PPP2R5E: variants seen among roughly 807,000 people sequenced by gnomAD.
PPP2R5E encodes serine/threonine-protein phosphatase 2A 56 kDa regulatory subunit epsilon isoform.
Under a neutral mutation model 65.3 loss-of-function variants are expected in PPP2R5E, and 4 were observed. The observed-to-expected ratio is 0.06, with a 90% CI of 0.03 to 0.14. PPP2R5E has a LOEUF of 0.14. PPP2R5E is among the 10% of genes least tolerant of loss of function. The pLI is 1.00. For synonymous variants in PPP2R5E, 183 were observed against 187.4 expected (o/e 0.98, Z 0.19); for missense variants, 274 against 556.1 (o/e 0.49, Z 5.10).
intron 2 of PPP2R5E, among the ~76,000 whole-genome samples, chr14:63,469,659 A>G (rs1296125594): frequency 2.0e-5 from 3 of 152,202 alleles, no homozygotes; most frequent in Admixed American, 2.0e-4. Flanking sequence ...GTGCCACTGC[A>G]CTCCAGCCTG....
intron 5 of PPP2R5E, among the ~76,000 whole-genome samples, chr14:63,397,900 T>G (rs1885508182): frequency 6.6e-6 from 1 of 152,034 alleles, no homozygotes; most frequent in Non-Finnish European, 1.5e-5. Context: ...GCTAATTTTT[T>G]GTATTTTTAG....
intron 3 of PPP2R5E, chr14:63,451,415 G>A (rs1448166051): frequency 6.6e-6 from 1 of 152,210 alleles, no homozygotes; most frequent in Non-Finnish European, 1.5e-5. Context: ...GAAAAGACAT[G>A]AAGGAAACTT....
At chr14:63,500,993 A>G (rs1891849272) in intron 2 of PPP2R5E, among the ~76,000 whole-genome samples, 1 of 152,192 alleles carries the variant, frequency 6.6e-6, no homozygotes, top group African/African-American at 2.4e-5. Context: ...CTCTACATCT[A>G]CATACTATTA....
At chr14:63,440,033 C>T (rs1200846805) in intron 3 of PPP2R5E, among the ~76,000 whole-genome samples, 1 of 152,182 alleles carries the variant, frequency 6.6e-6, no homozygotes, top group Non-Finnish European at 1.5e-5. Context: ...CAAGGTGGGG[C>T]CCCTCTATGA....
chr14:63,382,014 A>G, intron 13 of PPP2R5E, 42 bp downstream of exon 13: 3 of 1,504,136 alleles, frequency 2.0e-6, no homozygotes, highest in Non-Finnish European at 2.7e-6. Flanking sequence ...AAAAAACTCA[A>G]TAGCTTTATG....
chr14:63,535,746 A>G (rs1477219888), intron 2 of PPP2R5E, among the ~76,000 whole-genome samples: 1 of 152,200 alleles, frequency 6.6e-6, no homozygotes, highest in African/African-American at 2.4e-5. Context: ...AAATTCAACC[A>G]TATTTTATAT....
chr14:63,499,981 C>T (rs1891779903), intron 2 of PPP2R5E, among the ~76,000 whole-genome samples: 1 of 152,146 alleles, frequency 6.6e-6, no homozygotes, highest in Admixed American at 6.5e-5. Context: ...GGATTTGACT[C>T]ATTATTTATG....
At chr14:63,447,696 T>C (rs1888560682) in intron 3 of PPP2R5E, among the ~76,000 whole-genome samples, 1 of 152,256 alleles carries the variant, frequency 6.6e-6, no homozygotes, top group Non-Finnish European at 1.5e-5. Context: ...AATTGTCTGA[T>C]GCAAGAGGCC....
intron 2 of PPP2R5E, among the ~76,000 whole-genome samples, chr14:63,466,866 CAG>C (rs1168727324): frequency 6.6e-6 from 1 of 152,036 alleles, no homozygotes; most frequent in East Asian, 1.9e-4. Flanking sequence ...AACAGTAATG[CAG>C]AGAGTTTAAA....
intron 11 of PPP2R5E, among the ~76,000 whole-genome samples, chr14:63,384,987 G>T (rs1443088581): frequency 1.3e-5 from 2 of 151,938 alleles, no homozygotes; most frequent in African/African-American, 4.8e-5. Context: ...GAACCACCGT[G>T]CCTGGCCCAC....
At chr14:63,463,305 A>G (rs1889597595) in intron 2 of PPP2R5E, among the ~76,000 whole-genome samples, 1 of 150,648 alleles carries the variant, frequency 6.6e-6, no homozygotes. Flanking sequence ...ACGCCCAGCT[A>G]ATTTTTTGTA....
chr14:63,510,719 A>C (rs577240720), intron 2 of PPP2R5E, among the ~76,000 whole-genome samples: 1 of 152,376 alleles, frequency 6.6e-6, no homozygotes, highest in East Asian at 1.9e-4. Context: ...AAAGAGCCAC[A>C]TCATGTAAAG....
At chr14:63,542,107 C>T (rs888114545) in intron 1 of PPP2R5E, among the ~76,000 whole-genome samples, 15 of 152,124 alleles carry the variant, frequency 9.9e-5, no homozygotes, top group African/African-American at 3.6e-4. Flanking sequence ...TTCTTTATTC[C>T]TTATCTCTCA....
chr14:63,498,674 T>A (rs1255626), intron 2 of PPP2R5E, among the ~76,000 whole-genome samples: 1 of 151,754 alleles, frequency 6.6e-6, no homozygotes, highest in African/African-American at 2.4e-5. Flanking sequence ...TCCTCCCACC[T>A]TGGCTTAACA....
chr14:63,382,833 A>C (rs1184537883), intron 12 of PPP2R5E, among the ~76,000 whole-genome samples: 9 of 152,226 alleles, frequency 5.9e-5, no homozygotes, highest in African/African-American at 2.2e-4. Flanking sequence ...CTAACCTTAG[A>C]CATCTGAATT....
chr14:63,416,964 TATTCTTCTTTG>T (rs1161642666), intron 4 of PPP2R5E, among the ~76,000 whole-genome samples: 1 of 152,198 alleles, frequency 6.6e-6, no homozygotes. Flanking sequence ...TAATTGTAGA[TATTCTTCTTTG>T]ATGCTACACT....
intron 3 of PPP2R5E, among the ~76,000 whole-genome samples, chr14:63,424,675 C>T (rs576095824): frequency 7.2e-4 from 107 of 149,594 alleles, no homozygotes; most frequent in African/African-American, 2.4e-3. Context: ...GGCGTGAACC[C>T]GGGAGGCGGA....
At chr14:63,507,577 T>C (rs1422648930) in intron 2 of PPP2R5E, among the ~76,000 whole-genome samples, 5 of 94,742 alleles carry the variant, frequency 5.3e-5, no homozygotes, top group South Asian at 2.7e-4. Context: ...GTAATTCTCT[T>C]TTTTTTTTTT....
chr14:63,512,103 A>G (rs1892484845), intron 2 of PPP2R5E, among the ~76,000 whole-genome samples: 1 of 145,620 alleles, frequency 6.9e-6, no homozygotes, highest in African/African-American at 2.6e-5. Context: ...AAAAAAAAAA[A>G]AGAATCTCAG....
Sources: gnomAD v4.1 joint callset for allele counts (sites outside exome capture counted in the v4.1 genomes callset) on GRCh38, gnomAD v4.1.1 for gene constraint, MANE v1.5 for transcripts, NCBI Gene and HGNC (gene_info 2026-07-23, HGNC 2026-07-21) for gene names.